Variants in TENM3 observed in about 807,000 individuals in gnomAD.
TENM3 encodes the protein teneurin transmembrane protein 3.
In TENM3, 63 loss-of-function variants were observed where a neutral mutation model predicts 255.1. The observed-to-expected ratio is 0.25, with a 90% CI of 0.20 to 0.30. The LOEUF is 0.30. TENM3 is among the 10% of genes least tolerant of loss of function. The probability of loss-of-function intolerance (pLI) is 1.00; values close to 1 mark genes in which losing one functional copy is unlikely to be tolerated. For synonymous variants in TENM3, 1,306 were observed against 1,322.3 expected (o/e 0.99, Z 0.27); for missense variants, 2,929 against 3,461.1 (o/e 0.85, Z 3.86).
chr4:182,657,805 C>T (rs1753879416), intron 6 of TENM3, among the ~76,000 whole-genome samples: 1 of 152,062 alleles, frequency 6.6e-6, no homozygotes, highest in Non-Finnish European at 1.5e-5. Context: ...ACTACAGGCA[C>T]ATGTCACCAT....
chr4:181,626,373 C>A, the TENM3 span, among the ~76,000 whole-genome samples: 5 of 152,142 alleles, frequency 3.3e-5, no homozygotes, highest in Admixed American at 6.6e-5. Context: ...TTAAGGGATA[C>A]CTGAGACTAA....
the TENM3 span, among the ~76,000 whole-genome samples, chr4:181,972,029 T>C: frequency 1.3e-5 from 2 of 152,130 alleles, no homozygotes; most frequent in South Asian, 4.2e-4. Flanking sequence ...TCAGTTTTTT[T>C]TTTTTCTCTT....
At chr4:182,311,151 G>A (rs1353265832) in intron 1 of TENM3, among the ~76,000 whole-genome samples, 1 of 152,206 alleles carries the variant, frequency 6.6e-6, no homozygotes, top group African/African-American at 2.4e-5. Context: ...TCACACCAGG[G>A]TGTCATTTAT....
At chr4:181,835,923 T>A in the TENM3 span, among the ~76,000 whole-genome samples, 7 of 152,146 alleles carry the variant, frequency 4.6e-5, no homozygotes, top group Non-Finnish European at 8.8e-5. Context: ...AGGAATCTAT[T>A]CTAGGTGATC....
chr4:181,499,580 G>A, the TENM3 span, among the ~76,000 whole-genome samples: 1 of 152,166 alleles, frequency 6.6e-6, no homozygotes, highest in East Asian at 1.9e-4. Flanking sequence ...AGTGAGGCAT[G>A]AAAGAAAACT....
At chr4:182,744,916 C>T (rs1172390020) in intron 19 of TENM3, among the ~76,000 whole-genome samples, 2 of 151,578 alleles carry the variant, frequency 1.3e-5, no homozygotes, top group Non-Finnish European at 2.9e-5. Context: ...TGTATGGACA[C>T]ATTTGATTGA....
the TENM3 span, among the ~76,000 whole-genome samples, chr4:181,569,756 G>C: frequency 2.0e-5 from 3 of 152,146 alleles, no homozygotes; most frequent in African/African-American, 4.8e-5. Flanking sequence ...GGAACAATAA[G>C]AGTCAGCTTG....
At chr4:182,589,933 G>T (rs1041069670) in intron 3 of TENM3, among the ~76,000 whole-genome samples, 1 of 152,008 alleles carries the variant, frequency 6.6e-6, no homozygotes, top group African/African-American at 2.4e-5. Flanking sequence ...AGCCGAGATC[G>T]CACCGCTGCA....
chr4:181,769,731 T>G, the TENM3 span, among the ~76,000 whole-genome samples: 1 of 152,174 alleles, frequency 6.6e-6, no homozygotes, highest in Non-Finnish European at 1.5e-5. Flanking sequence ...TTTTAATCAT[T>G]TGTTTTGAGA....
intron 3 of TENM3, among the ~76,000 whole-genome samples, chr4:182,547,960 C>T (rs995228936): frequency 1.4e-4 from 22 of 152,128 alleles, no homozygotes; most frequent in African/African-American, 4.8e-4. Context: ...GCTCGTGCCT[C>T]GAGTCCCAGC....
At chr4:182,636,937 G>A (rs896037252) in intron 5 of TENM3, among the ~76,000 whole-genome samples, 1 of 151,982 alleles carries the variant, frequency 6.6e-6, no homozygotes, top group African/African-American at 2.4e-5. Flanking sequence ...TTTGCAAAAC[G>A]TAGCAACATC....
the TENM3 span, among the ~76,000 whole-genome samples, chr4:181,761,858 T>C: frequency 2.0e-5 from 3 of 152,176 alleles, no homozygotes; most frequent in Non-Finnish European, 4.4e-5. Flanking sequence ...TGAATCTAAG[T>C]GTACAATATG....
chr4:181,658,083 G>A, the TENM3 span, among the ~76,000 whole-genome samples: 2 of 152,068 alleles, frequency 1.3e-5, no homozygotes, highest in South Asian at 2.1e-4. Context: ...AAGCCCAAAC[G>A]TCAGCATCAT....
the TENM3 span, among the ~76,000 whole-genome samples, chr4:182,040,604 C>T: frequency 2.6e-5 from 4 of 152,116 alleles, no homozygotes; most frequent in South Asian, 2.1e-4. Flanking sequence ...TCAGCCTCTC[C>T]GGTCCTTGTT....
At chr4:182,618,354 G>A (rs1347432128) in intron 4 of TENM3, among the ~76,000 whole-genome samples, 1 of 151,936 alleles carries the variant, frequency 6.6e-6, no homozygotes, top group African/African-American at 2.4e-5. Flanking sequence ...CCAGTATTAA[G>A]ACATTTTTCC....
the TENM3 span, among the ~76,000 whole-genome samples, chr4:181,894,832 T>A: frequency 5.3e-5 from 8 of 152,140 alleles, no homozygotes; most frequent in East Asian, 1.5e-3. Flanking sequence ...CTGAGCATGA[T>A]TTGCATCCAG....
At chr4:182,702,499 TCTCC>T (rs1476519303) in intron 12 of TENM3, among the ~76,000 whole-genome samples, 1 of 152,150 alleles carries the variant, frequency 6.6e-6, no homozygotes, top group Non-Finnish European at 1.5e-5. Flanking sequence ...CTTTTTAAAC[TCTCC>T]CTATTAATAA....
At chr4:182,583,602 C>T (rs1745719603) in intron 3 of TENM3, among the ~76,000 whole-genome samples, 1 of 151,854 alleles carries the variant, frequency 6.6e-6, no homozygotes, top group South Asian at 2.1e-4. Context: ...TTATATCTCC[C>T]TAATTTTTAT....
the TENM3 span, among the ~76,000 whole-genome samples, chr4:182,050,349 A>G: frequency 6.6e-6 from 1 of 152,182 alleles, no homozygotes; most frequent in Non-Finnish European, 1.5e-5. Flanking sequence ...CAAAAGATGA[A>G]TCAAACATTT....
Sources: gnomAD v4.1 joint callset for allele counts (sites outside exome capture counted in the v4.1 genomes callset) on GRCh38, gnomAD v4.1.1 for gene constraint, MANE v1.5 for transcripts, NCBI Gene and HGNC (gene_info 2026-07-23, HGNC 2026-07-21) for gene names.